CFAP57: variants seen among roughly 807,000 people sequenced by gnomAD.
CFAP57 encodes the protein cilia and flagella associated protein 57.
CFAP57 carries 116 observed loss-of-function variants against 146.8 expected under a neutral mutation model. The observed-to-expected ratio is 0.79, with a 90% CI of 0.68 to 0.92. CFAP57 has a LOEUF of 0.92. Among genes scored for constraint, CFAP57 ranks in the 40% least tolerant of loss-of-function variants. The pLI is 0.00. For synonymous variants in CFAP57, 518 were observed against 552.8 expected (o/e 0.94, Z 0.88); for missense variants, 1,377 against 1,527.2 (o/e 0.90, Z 1.64).
intron 16 of CFAP57, 104 bp from the exon 17 acceptor site, chr1:43,223,942 C>G (rs1645145348): frequency 1.5e-6 from 2 of 1,339,422 alleles, no homozygotes; most frequent in Admixed American, 4.9e-5. Flanking sequence ...TTTCAGTCCA[C>G]AGAAGGTGGC....
At position 43,252,329 on chromosome 1, in the gene CFAP57, T is replaced by A. The variant is rs146687854; in HGVS notation, c.3539-1648T>A. 2.6e-3 allele frequency among the ~76,000 whole-genome samples: 395 copies of A among 152,226 alleles called. 2 individuals are homozygous for A. Among genetic ancestry groups the A allele is most frequent in the South Asian group, 0.014 (69 of 4,822 alleles). On this transcript the variant is annotated intron_variant, in intron 22 of 22. Coordinates refer to ENST00000372492, the MANE Select transcript of CFAP57 (RefSeq NM_001378189.1). ...AGGAAAGAAAAAACTTCAGACAAGG[T>A]CTCTGCATGACAATTTCTAACCAAA...
In CFAP57 at chr1:43,238,012, A is replaced by C. The variant is rs935041537; in HGVS notation, c.3405+3374A>C. Among the ~76,000 whole-genome samples the C allele has an allele frequency of 6.6e-6, 1 of 152,198 alleles. No individual in the cohort carries two copies. The highest frequency in any genetic ancestry group is 2.4e-5 in the African/African-American group (1 of 41,440). On this transcript the variant is annotated intron_variant, in intron 21 of 22. Transcript: ENST00000372492. The surrounding 1 kb of genome is among the most constrained non-coding windows in gnomAD (Gnocchi z 4.3). ...GATGAGAAGTACTTGGAAAGGGGAA[A>C]GTTGTGGTGTCAAAAGGCATTTCAG...
chr1:43,209,622 A>G, intron 10 of CFAP57, 121 bp from the exon 11 acceptor site: 3 of 1,027,546 alleles, frequency 2.9e-6, no homozygotes, highest in South Asian at 1.4e-5. Context: ...GGGATAGAAA[A>G]AGCATTTTTT....
intron 6 of CFAP57, among the ~76,000 whole-genome samples, chr1:43,189,586 C>A (rs1316747337): frequency 3.3e-5 from 5 of 152,174 alleles, no homozygotes; most frequent in African/African-American, 9.7e-5. Flanking sequence ...GCATACTGAT[C>A]TTGTCTCCTG....
intron 17 of CFAP57, among the ~76,000 whole-genome samples, 191 bp downstream of exon 17, chr1:43,224,395 G>A (rs533059556): frequency 1.3e-5 from 2 of 152,354 alleles, no homozygotes; most frequent in Admixed American, 1.3e-4. Flanking sequence ...ATCACTTTCA[G>A]CTCTGCCAAC....
intron 6 of CFAP57, among the ~76,000 whole-genome samples, chr1:43,187,272 AAAG>A (rs1643190296): frequency 6.6e-6 from 1 of 152,216 alleles, no homozygotes; most frequent in Admixed American, 6.5e-5. Flanking sequence ...TTACAACAAA[AAAG>A]CACTATTAAA....
At position 43,172,716 on chromosome 1, in the gene CFAP57, C is replaced by T. The variant is rs1645022924; in HGVS notation, c.-19-19C>T. On this transcript the variant is annotated intron_variant, in intron 1 of 22. Transcript: ENST00000372492. ...GGGCGGTGCTCTCCACTCTGAAGCG[C>T]TGCCTTGGTCTTCAGCAGAACTGTT... 1 of 1,612,778 alleles carries T rather than the reference C, an allele frequency of 6.2e-7. No individual in the cohort carries two copies. The highest frequency in any genetic ancestry group is 1.3e-5 in the African/African-American group (1 of 74,836).
chr1:43,247,895 G>A (rs1408616007), intron 22 of CFAP57, among the ~76,000 whole-genome samples: 6 of 152,108 alleles, frequency 3.9e-5, no homozygotes, highest in African/African-American at 1.4e-4. Flanking sequence ...GGAGGCCAAC[G>A]TGGGTGGATC....
intron 6 of CFAP57, among the ~76,000 whole-genome samples, chr1:43,190,396 G>A (rs1305450751): frequency 2.0e-5 from 3 of 150,710 alleles, no homozygotes; most frequent in East Asian, 4.0e-4. Context: ...TCAGACTCCC[G>A]AGTAGCTGGA....
intron 2 of CFAP57, among the ~76,000 whole-genome samples, chr1:43,177,802 A>G (rs1418418254): frequency 6.6e-6 from 1 of 152,240 alleles, no homozygotes; most frequent in Non-Finnish European, 1.5e-5. Context: ...TGAGAATCTA[A>G]TGCCGCCACT....
At position 43,222,810 on chromosome 1, in the gene CFAP57, T is replaced by A; in HGVS notation, c.2533-14T>A. On this transcript the variant is annotated splice_polypyrimidine_tract_variant and intron_variant, in intron 15 of 22. Coordinates refer to ENST00000372492, the MANE Select transcript of CFAP57 (RefSeq NM_001378189.1). ...CCTTCTCCCCTGACCACACGCCCACTCTCTCTGAGCCAGGCACAGGAAGAC... is the reference window on the plus strand; with the variant it reads ...CCTTCTCCCCTGACCACACGCCCACACTCTCTGAGCCAGGCACAGGAAGAC... 6.5e-7 allele frequency: 1 copy of A among 1,527,044 alleles called. No homozygotes were observed. The highest frequency in any genetic ancestry group is 8.8e-7 in the Non-Finnish European group (1 of 1,135,390). The allele number at this position is 1,527,044 out of a possible 1,614,324, so 94.6% of individuals were successfully genotyped here. A position where few individuals can be genotyped will look rare whatever the true frequency, so the allele number is the denominator to read the frequency against.
intron 6 of CFAP57, among the ~76,000 whole-genome samples, chr1:43,189,238 T>A (rs1366409958): frequency 6.6e-6 from 1 of 152,240 alleles, no homozygotes; most frequent in Non-Finnish European, 1.5e-5. Flanking sequence ...TCCCTTGCAA[T>A]TCCATATGGA....
chr1:43,247,115 G>A (rs1347201934), intron 22 of CFAP57, among the ~76,000 whole-genome samples: 1 of 152,104 alleles, frequency 6.6e-6, no homozygotes, highest in Admixed American at 6.5e-5. Flanking sequence ...AATATATAAT[G>A]TACTATTTCT....
At chr1:43,174,771 G>C (rs531975310) in intron 2 of CFAP57, among the ~76,000 whole-genome samples, 1 of 152,138 alleles carries the variant, frequency 6.6e-6, no homozygotes, top group Admixed American at 6.5e-5. Flanking sequence ...AGCCAAGATC[G>C]CACCACTGCA....
At chr1:43,243,773 A>G (rs1646014980) in intron 22 of CFAP57, among the ~76,000 whole-genome samples, 1 of 152,230 alleles carries the variant, frequency 6.6e-6, no homozygotes, top group African/African-American at 2.4e-5. Flanking sequence ...GCATTTTAGA[A>G]TAGTGAATAA....
chr1:43,217,855 A>G (rs1644895564), intron 12 of CFAP57, among the ~76,000 whole-genome samples: 1 of 151,876 alleles, frequency 6.6e-6, no homozygotes, highest in African/African-American at 2.4e-5. Flanking sequence ...GAAGCCCTCT[A>G]AGATAAAATC....
rs1644123763 is a variant in CFAP57, at chr1:43,201,568, C to A, written c.1542+2065C>A. On this transcript the variant is annotated intron_variant, in intron 9 of 22. Transcript: ENST00000372492. This position sits in a 1 kb window ranked among gnomAD's most constrained non-coding sequence, Gnocchi z 4.4. ...AGGCGTGATCTCGGCTCACTGCAACCTCCACCTCCTGAGTTCAAGCGATTC... is the reference window on the plus strand; with the variant it reads ...AGGCGTGATCTCGGCTCACTGCAACATCCACCTCCTGAGTTCAAGCGATTC... 6.6e-6 allele frequency among the ~76,000 whole-genome samples: 1 copy of A among 152,220 alleles called. No individual in the cohort carries two copies. Among genetic ancestry groups the A allele is most frequent in the Non-Finnish European group, 1.5e-5 (1 of 68,040 alleles).
chr1:43,199,477 T>G lies in CFAP57; in HGVS notation c.1516T>G (p.Ser506Ala), dbSNP rs541312331. The G allele has an allele frequency of 6.6e-5, 106 of 1,614,138 alleles. No homozygotes were observed. In the South Asian group the frequency reaches 1.1e-3, roughly 16 times the overall value. ...CACCACCACGAGCCTAGAGAACATC[T>G]CAAGCCTGAAAGGACACACAGGGAA... ...VYTTTSLENISSLKGHTGKIR... is the reference protein window; with the variant it reads ...VYTTTSLENIASLKGHTGKIR... The change falls in exon 9 of 23, where the codon TCA (serine) becomes GCA (alanine). Residue 506 changes from serine to alanine, a missense_variant. By Grantham distance (99) the Ser-to-Ala change is moderately conservative (BLOSUM62 1). Coordinates refer to ENST00000372492, the MANE Select transcript of CFAP57 (RefSeq NM_001378189.1).
chr1:43,223,093 G>GTCCT, intron 16 of CFAP57, 96 bp downstream of exon 16: 1 of 1,309,782 alleles, frequency 7.6e-7, no homozygotes, highest in Non-Finnish European at 1.0e-6. Context: ...GCTGGCCAGG[G>GTCCT]TCCTGCCTGT....
Sources: allele counts gnomAD v4.1 joint callset (sites outside exome capture counted in the v4.1 genomes callset), GRCh38; gene constraint gnomAD v4.1.1; non-coding constraint Gnocchi (gnomAD v3.1); transcripts MANE v1.5; gene names NCBI Gene and HGNC (gene_info 2026-07-23, HGNC 2026-07-21).